The following PLA2G2A variants were observed in gnomAD, a reference collection of about 807,000 sequenced individuals.
PLA2G2A encodes phospholipase A2, membrane associated.
PLA2G2A carries 6 observed loss-of-function variants against 11.2 expected under a neutral mutation model. That is an observed-to-expected ratio of 0.54 (90% CI 0.29 to 1.06). PLA2G2A has a LOEUF of 1.06. Among genes scored for constraint, PLA2G2A ranks in the 50% least tolerant of loss-of-function variants. The pLI, the probability that PLA2G2A is intolerant of heterozygous loss-of-function variation, is 0.08. For synonymous variants in PLA2G2A, 69 were observed against 65.8 expected (o/e 1.05, Z -0.23); for missense variants, 133 against 177.1 (o/e 0.75, Z 1.41).
chr1:19,975,812 A>T lies in PLA2G2A; in HGVS notation c.324T>A (p.Cys108Ter). 6.2e-7 allele frequency: 1 copy of T among 1,613,950 alleles called. No individual in the cohort carries two copies. The highest frequency in any genetic ancestry group is 1.3e-5 in the African/African-American group (1 of 75,044). ...AGGTGGCAGCAGCCTTATCACACTC[A>T]CACAGTTGACTTCTGCAGGAGTCCT... The change falls in exon 5 of 5, where the codon TGT (cysteine) becomes TGA (stop). Residue 108 changes from cysteine (C) to a stop codon, truncating the protein, a stop_gained. Coordinates refer to ENST00000482011, the Ensembl canonical transcript of PLA2G2A. LOFTEE classifies it low-confidence loss of function (END_TRUNC).
At chr1:19,976,894 A>G (rs1183056220) in intron 4 of PLA2G2A, among the ~76,000 whole-genome samples, 1 of 152,158 alleles carries the variant, frequency 6.6e-6, no homozygotes, top group Non-Finnish European at 1.5e-5. Flanking sequence ...CTCAACATCC[A>G]GGGGAGCCTT....
At chr1:19,979,917 A>G (rs1013545660), upstream of PLA2G2A, among the ~76,000 whole-genome samples, 2 of 152,182 alleles carry the variant, frequency 1.3e-5, no homozygotes, top group Non-Finnish European at 2.9e-5. Context: ...CCTCCCTGCA[A>G]TCGCCTCTAA....
intron 1 of PLA2G2A, 135 bp downstream of exon 1, chr1:19,979,442 ACTC>A (rs1407728063): frequency 6.4e-6 from 1 of 156,792 alleles, no homozygotes; most frequent in Non-Finnish European, 1.4e-5. Flanking sequence ...TCACATACTC[ACTC>A]AACACACTCA....
intron 1 of PLA2G2A, among the ~76,000 whole-genome samples, 175 bp downstream of exon 1, chr1:19,979,405 G>T (rs2046271841): frequency 6.6e-6 from 1 of 152,070 alleles, no homozygotes; most frequent in Admixed American, 6.5e-5. Context: ...TTACCTGATA[G>T]TGCCAACATC....
intron 2 of PLA2G2A, 42 bp from the exon 3 acceptor site, chr1:19,978,566 G>A (rs1321216492): frequency 3.5e-5 from 56 of 1,610,734 alleles, no homozygotes; most frequent in Non-Finnish European, 4.4e-5. Flanking sequence ...GGGGCATGGG[G>A]TTCTGCGCCC....
intron 1 of PLA2G2A, 94 bp from the exon 2 acceptor site, chr1:19,978,973 GCA>G (rs3061293): frequency 0.49 from 278,873 of 569,376 alleles, 37,938 homozygotes; most frequent in African/African-American, 0.52. Context: ...CTCCAGCAAT[GCA>G]CACACACACA....
chr1:19,979,115 C>T, intron 1 of PLA2G2A: 1 of 357,304 alleles, frequency 2.8e-6, no homozygotes, highest in East Asian at 6.0e-5. Flanking sequence ...CCTCATCAGA[C>T]TGAGAGTTCT....
intron 4 of PLA2G2A, among the ~76,000 whole-genome samples, chr1:19,977,020 T>C (rs1336783861): frequency 1.3e-5 from 2 of 152,148 alleles, no homozygotes; most frequent in Non-Finnish European, 2.9e-5. Context: ...ATCCCTTCTC[T>C]GTCTCCTTTC....
chr1:19,975,596 G>T, downstream of PLA2G2A: 1 of 1,048,484 alleles, frequency 9.5e-7, no homozygotes, highest in Non-Finnish European at 1.5e-6. Context: ...TAGGATGGGT[G>T]AGGGATGCTT....
chr1:19,978,926 A>C, intron 1 of PLA2G2A, 47 bp from the exon 2 acceptor site: 1 of 709,992 alleles, frequency 1.4e-6, no homozygotes, highest in Non-Finnish European at 2.5e-6. Flanking sequence ...GTCCAGGGTG[A>C]CTTCCTCTGT....
chr1:19,976,867 C>T (rs2046226886), intron 4 of PLA2G2A, among the ~76,000 whole-genome samples: 1 of 152,224 alleles, frequency 6.6e-6, no homozygotes, highest in African/African-American at 2.4e-5. Flanking sequence ...TCCCCTGAGT[C>T]CCTCATGCGT....
chr1:19,980,151 G>A (rs1321992248), upstream of PLA2G2A, among the ~76,000 whole-genome samples: 1 of 152,206 alleles, frequency 6.6e-6, no homozygotes. Flanking sequence ...GGCCTCACGT[G>A]TGCACCCCAC....
At chr1:19,976,837 C>T (rs866977394) in intron 4 of PLA2G2A, among the ~76,000 whole-genome samples, 1 of 152,194 alleles carries the variant, frequency 6.6e-6, no homozygotes, top group African/African-American at 2.4e-5. Flanking sequence ...CTTTGCCCTC[C>T]CGACTCCATG....
At chr1:19,976,038 G>T (rs2046215222) in intron 4 of PLA2G2A, among the ~76,000 whole-genome samples, 195 bp from the exon 5 acceptor site, 1 of 152,160 alleles carries the variant, frequency 6.6e-6, no homozygotes, top group Non-Finnish European at 1.5e-5. Context: ...CCAGCCTGGT[G>T]GAGACACAGC....
intron 4 of PLA2G2A, among the ~76,000 whole-genome samples, chr1:19,976,839 G>C (rs1356737741): frequency 1.3e-5 from 2 of 152,038 alleles, no homozygotes; most frequent in Non-Finnish European, 2.9e-5. Flanking sequence ...TTGCCCTCCC[G>C]ACTCCATGGA....
intron 4 of PLA2G2A, among the ~76,000 whole-genome samples, chr1:19,977,151 G>A (rs989433799): frequency 1.1e-4 from 16 of 152,100 alleles, no homozygotes; most frequent in African/African-American, 3.6e-4. Flanking sequence ...ACAGCTGCCT[G>A]CTGGACCCCT....
rs2046232998 is a variant in PLA2G2A at position 19,977,247 on chromosome 1, CTTTA to C, written c.292+764_292+767del. Among the ~76,000 whole-genome samples, 3 of 152,168 alleles carry C rather than the reference CTTTA, an allele frequency of 2.0e-5. No homozygotes were observed. In the South Asian group the frequency reaches 6.2e-4, roughly 32 times the overall value. On this transcript the variant is annotated intron_variant, in intron 4 of 4. Coordinates refer to ENST00000482011, the Ensembl canonical transcript of PLA2G2A. Reference sequence around the variant, plus strand: ...CTCCACCATGACCTGCTCCCATGGTCTTTATCACAGTTGTGCCATCCATGCAGCC... The same window carrying C: ...CTCCACCATGACCTGCTCCCATGGTCTCACAGTTGTGCCATCCATGCAGCC...
chr1:19,978,161 T>A, intron 3 of PLA2G2A, 40 bp from the exon 4 acceptor site: 8 of 1,467,996 alleles, frequency 5.4e-6, no homozygotes, highest in African/African-American at 1.4e-5. Context: ...GTCCCACAGC[T>A]CCAGGAGGCC....
intron 1 of PLA2G2A, chr1:19,979,136 G>C: frequency 3.2e-6 from 1 of 313,742 alleles, no homozygotes. Flanking sequence ...TGGGAGGTTG[G>C]AACCAGGTTC....
Sources: allele counts gnomAD v4.1 joint callset (sites outside exome capture counted in the v4.1 genomes callset), GRCh38; gene constraint gnomAD v4.1.1; transcripts MANE v1.5; gene names NCBI Gene and HGNC (gene_info 2026-07-23, HGNC 2026-07-21).